TTC8: variants seen among roughly 807,000 people sequenced by gnomAD.
TTC8 encodes the protein tetratricopeptide repeat domain 8, also known as tetratricopeptide repeat protein 8.
In TTC8, 47 loss-of-function variants were observed where a neutral mutation model predicts 72.5. The ratio of observed to expected loss-of-function variants is 0.65; its 90% confidence interval spans 0.51 to 0.83. The LOEUF is 0.83. Ranked by LOEUF, TTC8 falls within the 40% of genes least tolerant of loss-of-function variation. The probability of loss-of-function intolerance (pLI) is 0.00; values close to 1 mark genes in which losing one functional copy is unlikely to be tolerated. For missense variants in TTC8, 611 were observed against 623.2 expected, an observed-to-expected ratio of 0.98 and a Z score of 0.21; for synonymous variants, 199 against 221.4, an observed-to-expected ratio of 0.90 and a Z score of 0.90.
intron 2 of TTC8, among the ~76,000 whole-genome samples, chr14:88,834,698 ATTT>A (rs372300947): frequency 1.4e-5 from 2 of 147,364 alleles, no homozygotes; most frequent in Non-Finnish European, 3.0e-5. Context: ...GGGCAAAACT[ATTT>A]TTTTTTTTGC....
intron 1 of TTC8, among the ~76,000 whole-genome samples, chr14:88,827,764 C>T (rs2094708049): frequency 6.6e-6 from 1 of 151,996 alleles, no homozygotes; most frequent in East Asian, 1.9e-4. Context: ...CTGCCTTTTT[C>T]TTCATTAAAA....
At chr14:88,824,939 C>T (rs2094691990) in intron 1 of TTC8, 118 bp downstream of exon 1, 2 of 1,011,894 alleles carry the variant, frequency 2.0e-6, no homozygotes, top group Non-Finnish European at 3.0e-6. Context: ...GCTGACCGTT[C>T]GGCCCTCGGA....
At chr14:88,838,982 G>A (rs183119508) in intron 2 of TTC8, among the ~76,000 whole-genome samples, 2 of 152,268 alleles carry the variant, frequency 1.3e-5, no homozygotes, top group East Asian at 3.9e-4. Flanking sequence ...ATGGTTAAGT[G>A]TGTAATAATA....
intron 9 of TTC8, among the ~76,000 whole-genome samples, chr14:88,859,501 A>C (rs986695132): frequency 1.3e-5 from 2 of 152,140 alleles, no homozygotes; most frequent in African/African-American, 4.8e-5. Flanking sequence ...AGCAGCAGAC[A>C]CTGGGGCCTC....
chr14:88,875,118 T>C lies in TTC8; in HGVS notation c.1431+9T>C. 1 of 1,598,770 alleles carries C rather than the reference T, an allele frequency of 6.3e-7. No individual in the cohort carries two copies. The highest frequency in any genetic ancestry group is 1.1e-5 in the South Asian group (1 of 90,500). Reference sequence around the variant, plus strand: ...CAACAATCTCTGATAAGGTATTCTCTTTCTTCATTAATTTATCATCTGATC... The same window carrying C: ...CAACAATCTCTGATAAGGTATTCTCCTTCTTCATTAATTTATCATCTGATC... On this transcript the variant is annotated intron_variant, in intron 14 of 14. Transcript: ENST00000380656.
At chr14:88,843,922 T>C in intron 7 of TTC8, 72 bp downstream of exon 7, 3 of 1,094,804 alleles carry the variant, frequency 2.7e-6, no homozygotes, top group Non-Finnish European at 4.1e-6. Flanking sequence ...TTCTGAAATA[T>C]TCTATTTCTG....
At chr14:88,875,677 G>C (rs1316341142) in intron 14 of TTC8, among the ~76,000 whole-genome samples, 7 of 152,120 alleles carry the variant, frequency 4.6e-5, no homozygotes, top group Admixed American at 1.3e-4. Flanking sequence ...AGTCTGTTTT[G>C]AGAATAAGGA....
intron 8 of TTC8, among the ~76,000 whole-genome samples, chr14:88,856,463 G>A (rs1206284920): frequency 2.0e-5 from 3 of 152,168 alleles, no homozygotes; most frequent in African/African-American, 4.8e-5. Context: ...AAAAATGAGT[G>A]GTTATGAGTA....
rs56121749 is a variant in TTC8 at position 88,863,141 on chromosome 14, G to A, written c.909+1809G>A. On this transcript the variant is annotated intron_variant, in intron 10 of 14. Coordinates refer to ENST00000380656, the MANE Select transcript of TTC8 (RefSeq NM_144596.4). ...ATGATATAACTCTCCATTTACCTAGGTCTTTTTTTTGTTCTTCAGCAAATA... is the reference window on the plus strand; with the variant it reads ...ATGATATAACTCTCCATTTACCTAGATCTTTTTTTTGTTCTTCAGCAAATA... 6.0e-3 allele frequency among the ~76,000 whole-genome samples: 919 copies of A among 151,988 alleles called. 18 individuals are homozygous for A. Among genetic ancestry groups the A allele is most frequent in the African/African-American group, 0.021 (863 of 41,434 alleles).
intron 10 of TTC8, 49 bp downstream of exon 10, chr14:88,861,381 C>A: frequency 7.2e-7 from 1 of 1,387,842 alleles, no homozygotes; most frequent in Non-Finnish European, 1.0e-6. Context: ...AATAGTTTTA[C>A]ATATTTTTGT....
In TTC8 at chr14:88,829,376, G is replaced by T. The variant is rs559982154; in HGVS notation, c.115-4317G>T. Among the ~76,000 whole-genome samples, 9 of 152,320 alleles carry T rather than the reference G, an allele frequency of 5.9e-5. 1 individual carries two copies. The East Asian group carries it at 1.2e-3, about 20-fold the overall frequency. On this transcript the variant is annotated intron_variant, in intron 1 of 14. Transcript: ENST00000380656. ...TACAGCACTGTGACCTAGAGAGAAT[G>T]TTTGCTTCTGCAGCTCATGTTGATC... is the stretch of plus-strand genomic sequence containing the variant.
chr14:88,861,189 C>T (rs1210463895), intron 9 of TTC8, 33 bp from the exon 10 acceptor site: 2 of 1,398,410 alleles, frequency 1.4e-6, no homozygotes, highest in South Asian at 2.3e-5. Flanking sequence ...TTTTAAGAAC[C>T]TATACTTTTA....
intron 7 of TTC8, among the ~76,000 whole-genome samples, chr14:88,847,651 G>A (rs1436730340): frequency 2.0e-5 from 3 of 151,842 alleles, no homozygotes; most frequent in African/African-American, 7.3e-5. Flanking sequence ...CAAACATTAG[G>A]GTATTTCATA....
intron 7 of TTC8, among the ~76,000 whole-genome samples, chr14:88,845,287 G>A (rs1318880858): frequency 6.6e-6 from 1 of 152,166 alleles, no homozygotes; most frequent in African/African-American, 2.4e-5. Context: ...GAGATGCTGT[G>A]AGAAGAGTGA....
intron 6 of TTC8, among the ~76,000 whole-genome samples, chr14:88,843,296 A>G (rs10150833): frequency 0.38 from 58,349 of 151,968 alleles, 11,360 homozygotes; most frequent in East Asian, 0.5. Context: ...TGTCCAGCTT[A>G]GCTGAGTAGC....
In TTC8 at chr14:88,862,588, A is replaced by G. The variant is rs1706258066; in HGVS notation, c.909+1256A>G. On this transcript the variant is annotated intron_variant, in intron 10 of 14. Transcript: ENST00000380656. ...TATATATATATATATATATATATAT[A>G]TATATATATTTAGAGATGGGTTCTC... is the stretch of plus-strand genomic sequence containing the variant. Among the ~76,000 whole-genome samples, 3 of 74,150 alleles carry G rather than the reference A, an allele frequency of 4.0e-5. 1 individual carries two copies. In the South Asian group the frequency reaches 1.4e-3, roughly 35 times the overall value. 48.6% of individuals were successfully genotyped at this position (74,150 alleles called of 152,430 possible). A position where few individuals can be genotyped will look rare whatever the true frequency, so the allele number is the denominator to read the frequency against.
chr14:88,845,938 C>G (rs1385393814), intron 7 of TTC8, among the ~76,000 whole-genome samples: 1 of 150,896 alleles, frequency 6.6e-6, no homozygotes, highest in East Asian at 2.0e-4. Flanking sequence ...AACAAAGAAG[C>G]AGGAAAGCAG....
At position 88,846,230 on chromosome 14, in the gene TTC8, C is replaced by G. The variant is rs1421174900; in HGVS notation, c.624+2380C>G. 2.6e-5 allele frequency among the ~76,000 whole-genome samples: 4 copies of G among 151,960 alleles called. No homozygotes were observed. In the East Asian group the frequency reaches 7.7e-4, roughly 29 times the overall value. On this transcript the variant is annotated intron_variant, in intron 7 of 14. Transcript: ENST00000380656. Reference sequence around the variant, plus strand: ...GGATAGAGCTGTAGTCCCAGCTACTCTGGGAGGATCACCTGAACCCAGGGA... The same window carrying G: ...GGATAGAGCTGTAGTCCCAGCTACTGTGGGAGGATCACCTGAACCCAGGGA...
At chr14:88,844,177 A>G (rs890840771) in intron 7 of TTC8, among the ~76,000 whole-genome samples, 7 of 152,200 alleles carry the variant, frequency 4.6e-5, no homozygotes, top group East Asian at 1.9e-4. Context: ...TCCTTAGTCC[A>G]TATAGTATAT....
Sources: gnomAD v4.1 joint callset for allele counts (sites outside exome capture counted in the v4.1 genomes callset) on GRCh38, gnomAD v4.1.1 for gene constraint, MANE v1.5 for transcripts, NCBI Gene and HGNC (gene_info 2026-07-23, HGNC 2026-07-21) for gene names.